ELMO1: variants seen among roughly 807,000 people sequenced by gnomAD.
ELMO1 encodes engulfment and cell motility 1, also known as engulfment and cell motility protein 1.
A neutral mutation model predicts 98.9 loss-of-function variants in ELMO1; 26 were observed. That is an observed-to-expected ratio of 0.26 (90% CI 0.19 to 0.36). The LOEUF (loss-of-function observed/expected upper bound fraction) is 0.36, where lower values mean the gene tolerates loss of function less well. Among genes scored for constraint, ELMO1 ranks in the 10% least tolerant of loss-of-function variants. The pLI is 1.00. For synonymous variants in ELMO1, 346 were observed against 346.0 expected (o/e 1.00, Z 0.00); for missense variants, 627 against 935.2 (o/e 0.67, Z 4.30).
chr7:37,155,321 T>C (rs1322560757), intron 13 of ELMO1, among the ~76,000 whole-genome samples: 2 of 152,024 alleles, frequency 1.3e-5, no homozygotes. Flanking sequence ...ACCAATTACT[T>C]AAATGTAAGT....
chr7:36,940,306 T>G (rs1409212794), intron 16 of ELMO1, among the ~76,000 whole-genome samples: 1 of 152,198 alleles, frequency 6.6e-6, no homozygotes, highest in Admixed American at 6.5e-5. Context: ...ACACTCACAC[T>G]GTATGTGAGA....
chr7:37,026,548 C>T (rs1794588715), intron 15 of ELMO1, among the ~76,000 whole-genome samples: 1 of 152,162 alleles, frequency 6.6e-6, no homozygotes, highest in South Asian at 2.1e-4. Context: ...GCAAGGCATT[C>T]AACACTCATC....
rs150821207 is a variant in ELMO1, at chr7:37,136,162, C to T, written c.1087-2928G>A. Among the ~76,000 whole-genome samples, 111 of 152,070 alleles carry T rather than the reference C, an allele frequency of 7.3e-4. 1 individual carries two copies. Among genetic ancestry groups the T allele is most frequent in the South Asian group, 1.9e-3 (9 of 4,808 alleles). ...ACAAGGCTTTCGAATTAACCCAATCCGTCAAAGACAAAGAAAAAAGAATTT... is the reference window on the plus strand; with the variant it reads ...ACAAGGCTTTCGAATTAACCCAATCTGTCAAAGACAAAGAAAAAAGAATTT... On this transcript the variant is annotated intron_variant, in intron 13 of 21. Coordinates refer to ENST00000310758, the MANE Select transcript of ELMO1 (RefSeq NM_014800.11).
At chr7:37,255,196 T>C (rs925840290) in intron 6 of ELMO1, among the ~76,000 whole-genome samples, 15 of 152,208 alleles carry the variant, frequency 9.9e-5, no homozygotes, top group African/African-American at 3.6e-4. Context: ...TCTCAAGAGA[T>C]GATTAATTTA....
intron 16 of ELMO1, 25 bp downstream of exon 16, chr7:37,013,274 T>C: frequency 1.2e-5 from 19 of 1,612,534 alleles, no homozygotes; most frequent in Middle Eastern, 1.7e-4. Context: ...GGGAATCCCC[T>C]GCCTCTATCC....
chr7:36,882,243 G>C (rs1460690782), intron 18 of ELMO1, among the ~76,000 whole-genome samples: 2 of 152,202 alleles, frequency 1.3e-5, no homozygotes, highest in African/African-American at 4.8e-5. Flanking sequence ...CTTCCATTAG[G>C]ATTCTGAATT....
chr7:37,070,917 A>G (rs1797234842), intron 15 of ELMO1, among the ~76,000 whole-genome samples: 1 of 152,160 alleles, frequency 6.6e-6, no homozygotes, highest in South Asian at 2.1e-4. Context: ...TAACTCAATG[A>G]GATTAGTGGA....
At chr7:37,317,514 T>C (rs562799279) in intron 2 of ELMO1, among the ~76,000 whole-genome samples, 53 of 152,146 alleles carry the variant, frequency 3.5e-4, no homozygotes, top group Non-Finnish European at 6.5e-4. Context: ...ATCCTGTCAT[T>C]TGCAATAACA....
intron 16 of ELMO1, among the ~76,000 whole-genome samples, chr7:36,926,259 G>A (rs1391377039): frequency 6.6e-6 from 1 of 152,212 alleles, no homozygotes; most frequent in Non-Finnish European, 1.5e-5. Context: ...ATCGCAGATA[G>A]TCCCTTTGTT....
At chr7:36,886,668 T>C (rs1019035042) in intron 18 of ELMO1, among the ~76,000 whole-genome samples, 1 of 152,202 alleles carries the variant, frequency 6.6e-6, no homozygotes, top group African/African-American at 2.4e-5. Flanking sequence ...GAGTGTGGTA[T>C]GAAGACTCTA....
At chr7:37,391,277 C>T (rs1008660902) in intron 1 of ELMO1, among the ~76,000 whole-genome samples, 9 of 151,954 alleles carry the variant, frequency 5.9e-5, no homozygotes, top group African/African-American at 2.2e-4. Context: ...CCAACATGTC[C>T]GGCTAATTTT....
At chr7:36,893,573 C>T (rs992726378) in intron 17 of ELMO1, among the ~76,000 whole-genome samples, 16 of 152,318 alleles carry the variant, frequency 1.1e-4, no homozygotes, top group African/African-American at 2.9e-4. Flanking sequence ...AACAAATGTA[C>T]GGTAGATGTT....
chr7:37,319,439 A>C (rs1799365685), intron 2 of ELMO1, among the ~76,000 whole-genome samples: 1 of 151,740 alleles, frequency 6.6e-6, no homozygotes, highest in African/African-American at 2.4e-5. Flanking sequence ...TGAACTCCTG[A>C]CTCTCCTCAT....
At chr7:37,279,223 A>G (rs1326522523) in intron 4 of ELMO1, among the ~76,000 whole-genome samples, 1 of 151,552 alleles carries the variant, frequency 6.6e-6, no homozygotes, top group Non-Finnish European at 1.5e-5. Context: ...AAACAAACAA[A>G]CAAACAAAAA....
chr7:37,295,181 TTCAGGCTAC>T (rs1218917545), intron 4 of ELMO1, among the ~76,000 whole-genome samples: 1 of 152,182 alleles, frequency 6.6e-6, no homozygotes, highest in East Asian at 1.9e-4. Flanking sequence ...ATACTTCAAT[TTCAGGCTAC>T]TACTTACCTC....
rs532732478 is a variant in ELMO1 at position 37,287,818 on chromosome 7, C to T, written c.193-15936G>A. Among the ~76,000 whole-genome samples the T allele has an allele frequency of 3.9e-5, 6 of 152,346 alleles. No homozygotes were observed. The South Asian group carries it at 1.2e-3, about 32-fold the overall frequency. On this transcript the variant is annotated intron_variant, in intron 4 of 21. Coordinates refer to ENST00000310758, the MANE Select transcript of ELMO1 (RefSeq NM_014800.11). ...GGTACCTCCTCTCACTTCCAGCTCA[C>T]TATCCTGTTCCCTTTTGTTCTCTAA...
At chr7:37,371,570 C>CAT (rs890424303) in intron 1 of ELMO1, among the ~76,000 whole-genome samples, 23 of 152,046 alleles carry the variant, frequency 1.5e-4, no homozygotes, top group South Asian at 4.2e-4. Flanking sequence ...TATGAAAGTA[C>CAT]ATATATATAT....
intron 15 of ELMO1, among the ~76,000 whole-genome samples, chr7:37,075,072 CTT>C (rs1797494441): frequency 1.3e-5 from 2 of 152,064 alleles, no homozygotes; most frequent in Non-Finnish European, 2.9e-5. Context: ...GTGTGTAACA[CTT>C]AGCCAGCCAT....
chr7:36,962,326 T>A (rs80216716), intron 16 of ELMO1, among the ~76,000 whole-genome samples: 4,322 of 152,268 alleles, frequency 0.028, 214 homozygotes, highest in African/African-American at 0.099. Context: ...GTTTGAAGTG[T>A]ATCTAGAAAA....
Sources: gnomAD v4.1 joint callset for allele counts (sites outside exome capture counted in the v4.1 genomes callset) on GRCh38, gnomAD v4.1.1 for gene constraint, MANE v1.5 for transcripts, NCBI Gene and HGNC (gene_info 2026-07-23, HGNC 2026-07-21) for gene names.